Variants in SLC38A12 observed in about 807,000 individuals in gnomAD.
SLC38A12 encodes solute carrier family 38 member 12.
chr17:74,782,704 A>G, the SLC38A12 span, among the ~76,000 whole-genome samples: 1 of 152,234 alleles, frequency 6.6e-6, no homozygotes, highest in Non-Finnish European at 1.5e-5. Flanking sequence ...CCTCAAAATT[A>G]TTCTAGCAGC....
chr17:74,786,760 G>A, the SLC38A12 span, among the ~76,000 whole-genome samples: 18 of 152,242 alleles, frequency 1.2e-4, no homozygotes, highest in African/African-American at 4.3e-4. Context: ...ATTTCTTTTG[G>A]GGAGTTTTGA....
the SLC38A12 span, among the ~76,000 whole-genome samples, chr17:74,835,681 C>A: frequency 6.6e-6 from 1 of 152,212 alleles, no homozygotes; most frequent in Non-Finnish European, 1.5e-5. Flanking sequence ...CCCACTGCAG[C>A]CCTGTCCCCA....
the SLC38A12 span, chr17:74,790,978 G>A: frequency 1.3e-4 from 202 of 1,613,660 alleles, 1 homozygote; most frequent in East Asian, 9.6e-4. Context: ...CTCCCAACCC[G>A]TTTGAAATCA....
At chr17:74,816,005 C>A in the SLC38A12 span, among the ~76,000 whole-genome samples, 13 of 152,326 alleles carry the variant, frequency 8.5e-5, no homozygotes, top group Admixed American at 7.2e-4. Context: ...GGTCCCTTCC[C>A]CACATCTTCG....
chr17:74,826,577 C>G, the SLC38A12 span, among the ~76,000 whole-genome samples: 717 of 152,280 alleles, frequency 4.7e-3, 6 homozygotes, highest in African/African-American at 0.016. Flanking sequence ...TGCTGGATGC[C>G]CTACAGGTCT....
chr17:74,790,202 G>A, the SLC38A12 span: 4 of 1,613,738 alleles, frequency 2.5e-6, no homozygotes, highest in Non-Finnish European at 3.4e-6. Flanking sequence ...GCTCCCAGGA[G>A]GAGGAAGATG....
At chr17:74,779,257 C>T in the SLC38A12 span, among the ~76,000 whole-genome samples, 2 of 152,158 alleles carry the variant, frequency 1.3e-5, no homozygotes, top group East Asian at 1.9e-4. Context: ...AGCATGTGCC[C>T]ACAGGAAATG....
At chr17:74,781,056 T>C in the SLC38A12 span, among the ~76,000 whole-genome samples, 1 of 152,042 alleles carries the variant, frequency 6.6e-6, no homozygotes, top group Non-Finnish European at 1.5e-5. Context: ...TGGAGAGAGG[T>C]TGTTACCGGC....
At chr17:74,788,409 G>C in the SLC38A12 span, among the ~76,000 whole-genome samples, 1 of 152,238 alleles carries the variant, frequency 6.6e-6, no homozygotes, top group South Asian at 2.1e-4. Flanking sequence ...TCCAGAGGCT[G>C]GGGGGCCCTT....
the SLC38A12 span, chr17:74,836,357 G>C: frequency 1.2e-6 from 2 of 1,612,738 alleles, no homozygotes; most frequent in Non-Finnish European, 1.7e-6. The surrounding 1 kb of genome is among the most constrained non-coding windows in gnomAD (Gnocchi z 4.2). Context: ...TCCACCGCGA[G>C]GGCGGCACGT....
At chr17:74,830,617 C>T in the SLC38A12 span, among the ~76,000 whole-genome samples, 1 of 152,242 alleles carries the variant, frequency 6.6e-6, no homozygotes, top group Non-Finnish European at 1.5e-5. Flanking sequence ...TAACAAGAAC[C>T]TTGGCTTGTC....
chr17:74,798,577 TG>T, the SLC38A12 span, among the ~76,000 whole-genome samples: 197 of 152,276 alleles, frequency 1.3e-3, 4 homozygotes, highest in African/African-American at 4.6e-3. Context: ...AGCAGGGTGC[TG>T]GGGGGTGGAG....
chr17:74,794,086 T>A, the SLC38A12 span, among the ~76,000 whole-genome samples: 2 of 152,224 alleles, frequency 1.3e-5, no homozygotes, highest in Non-Finnish European at 2.9e-5. Context: ...GGAGACTGGT[T>A]GTCTGAGCAG....
chr17:74,785,575 G>A, the SLC38A12 span: 37 of 1,613,984 alleles, frequency 2.3e-5, no homozygotes, highest in African/African-American at 2.8e-4. Context: ...TGTCAGCCTC[G>A]TCCTGCTGGT....
chr17:74,789,845 C>CAAAA, the SLC38A12 span, among the ~76,000 whole-genome samples: 19 of 47,416 alleles, frequency 4.0e-4, no homozygotes, highest in African/African-American at 1.3e-3. Flanking sequence ...AACTTCGTCT[C>CAAAA]AAAAAAAAAA....
At chr17:74,812,889 C>T in the SLC38A12 span, among the ~76,000 whole-genome samples, 9 of 152,324 alleles carry the variant, frequency 5.9e-5, no homozygotes, top group East Asian at 1.9e-4. Flanking sequence ...GTTGAAACTC[C>T]GGGAGCTGAC....
the SLC38A12 span, among the ~76,000 whole-genome samples, chr17:74,804,651 A>G: frequency 6.6e-6 from 1 of 152,240 alleles, no homozygotes; most frequent in African/African-American, 2.4e-5. Context: ...GTGTGACTCT[A>G]GAAGGGTCTT....
chr17:74,792,033 C>G, the SLC38A12 span, among the ~76,000 whole-genome samples: 99 of 152,168 alleles, frequency 6.5e-4, 3 homozygotes, highest in East Asian at 0.018. Context: ...GTAGTCCCAG[C>G]TACTCGGGAG....
the SLC38A12 span, chr17:74,836,825 G>T: frequency 9.9e-6 from 14 of 1,413,602 alleles, no homozygotes; most frequent in Non-Finnish European, 1.3e-5. This position sits in a 1 kb window ranked among gnomAD's most constrained non-coding sequence, Gnocchi z 4.2. Context: ...CCCCTGTCCA[G>T]CTGGGGTTGT....
Sources: gnomAD v4.1 joint callset for allele counts (sites outside exome capture counted in the v4.1 genomes callset) on GRCh38, gnomAD v4.1.1 for gene constraint, Gnocchi (gnomAD v3.1) non-coding constraint, MANE v1.5 for transcripts, NCBI Gene and HGNC (gene_info 2026-07-23, HGNC 2026-07-21) for gene names.